The following NKAIN4 variants were observed in gnomAD, a reference collection of about 807,000 sequenced individuals.
NKAIN4 encodes the protein sodium/potassium-transporting ATPase subunit beta-1-interacting protein 4.
Under a neutral mutation model 28.8 loss-of-function variants are expected in NKAIN4, and 28 were observed. The ratio of observed to expected loss-of-function variants is 0.97; its 90% CI spans 0.72 to 1.33. The LOEUF is 1.33. Among genes scored for constraint, NKAIN4 ranks in the 40% most tolerant of loss-of-function variants. NKAIN4 has a pLI of 0.00. For missense variants in NKAIN4, 289 were observed against 277.2 expected (o/e 1.04, Z -0.30); for synonymous variants, 122 against 115.6 (o/e 1.06, Z -0.36).
intron 3 of NKAIN4, among the ~76,000 whole-genome samples, 174 bp from the exon 4 acceptor site, chr20:63,247,949 A>C (rs1312796253): frequency 1.3e-5 from 2 of 152,124 alleles, no homozygotes; most frequent in Non-Finnish European, 2.9e-5. Flanking sequence ...GGGGAAAGGA[A>C]TACCAAGGCC....
intron 5 of NKAIN4, among the ~76,000 whole-genome samples, chr20:63,243,247 T>C (rs535034042): frequency 2.6e-5 from 4 of 152,296 alleles, no homozygotes; most frequent in Non-Finnish European, 5.9e-5. Context: ...TGAGGGATGC[T>C]GGGCGCTGGG....
rs536420967 is a variant in NKAIN4, at chr20:63,245,326, G to A, written c.472-1242C>T. 7.2e-4 allele frequency among the ~76,000 whole-genome samples: 109 copies of A among 152,184 alleles called. No individual in the cohort carries two copies. Among genetic ancestry groups the A allele is most frequent in the African/African-American group, 2.4e-3 (101 of 41,518 alleles). Reference sequence around the variant, plus strand: ...TGAGGGTGGGCAACCTCCACGGCTCGTCCCCCTCCTCACCCCAAAGGAGCC... The same window carrying A: ...TGAGGGTGGGCAACCTCCACGGCTCATCCCCCTCCTCACCCCAAAGGAGCC... On this transcript the variant is annotated intron_variant, in intron 4 of 6. Transcript: ENST00000370316. The surrounding 1 kb of genome is among the most constrained non-coding windows in gnomAD (Gnocchi z 4.7).
chr20:63,253,370 C>T lies in NKAIN4; in HGVS notation c.54+1027G>A, dbSNP rs1355460186. On this transcript the variant is annotated intron_variant, in intron 1 of 6. Coordinates refer to ENST00000370316, the MANE Select transcript of NKAIN4 (RefSeq NM_152864.4). Reference sequence around the variant, plus strand: ...AGGAAGGACACGATGCCTCCGCCGTCCCTAGGTCCGCCCGCAAGCCTGTGC... The same window carrying T: ...AGGAAGGACACGATGCCTCCGCCGTTCCTAGGTCCGCCCGCAAGCCTGTGC... 7.1e-6 allele frequency: 7 copies of T among 985,296 alleles called. No homozygotes were observed. The East Asian group carries it at 7.9e-4, about 112-fold the overall frequency. The allele number at this position is 985,296 out of a possible 1,614,324, so 61.0% of individuals were successfully genotyped here.
At position 63,241,168 on chromosome 20, in the gene NKAIN4, G is replaced by C. The variant is rs894915683; in HGVS notation, c.*329C>G. 8 of 329,660 alleles carry C rather than the reference G, an allele frequency of 2.4e-5. No individual in the cohort carries two copies. Among genetic ancestry groups the C allele is most frequent in the South Asian group, 6.6e-5 (2 of 30,080 alleles). 20.4% of individuals were successfully genotyped at this position (329,660 alleles called of 1,614,324 possible). ...TGGGCACCTGAGGGAGGGGCTCCTC[G>C]ACGAGACGACAGCCTGGGGGCAGAG... On this transcript the variant is annotated 3_prime_UTR_variant, in exon 7 of 7. Coordinates refer to ENST00000370316, the MANE Select transcript of NKAIN4 (RefSeq NM_152864.4).
upstream of NKAIN4, chr20:63,254,583 C>G: frequency 1.6e-6 from 1 of 624,290 alleles, no homozygotes. Flanking sequence ...CCGCAACCCC[C>G]GGCCCAGCCC....
At chr20:63,248,520 G>C (rs3818203) in intron 3 of NKAIN4, 136,268 of 349,126 alleles carry the variant, frequency 0.39, 27,603 homozygotes, top group East Asian at 0.53. Context: ...TTCACCTGCA[G>C]ATCTCTGCCA....
At position 63,245,969 on chromosome 20, in the gene NKAIN4, C is replaced by G. The variant is rs548992118; in HGVS notation, c.471+1609G>C. 4.3e-4 allele frequency among the ~76,000 whole-genome samples: 66 copies of G among 151,800 alleles called. No homozygotes were observed. The South Asian group carries it at 0.013, about 30-fold the overall frequency. ...TTGAGACAGAGTCTCGCTCTGTCAC[C>G]CAGGCTGGAGTGCAGTGGCGTGATC... On this transcript the variant is annotated intron_variant, in intron 4 of 6. Transcript: ENST00000370316. The surrounding 1 kb of genome is among the most constrained non-coding windows in gnomAD (Gnocchi z 4.7).
chr20:63,253,351 G>C, intron 1 of NKAIN4: 1 of 985,388 alleles, frequency 1.0e-6, no homozygotes, highest in Non-Finnish European at 1.2e-6. Context: ...CTGCAGGAAG[G>C]ACACGATGCC....
At chr20:63,242,678 A>G in intron 5 of NKAIN4, 55 bp from the exon 6 acceptor site, 3 of 1,429,470 alleles carry the variant, frequency 2.1e-6, no homozygotes, top group Non-Finnish European at 3.0e-6. Context: ...AAAAGATGTC[A>G]GAGTGGAAAA....
In NKAIN4 at chr20:63,248,414, T is replaced by C. The variant is rs567359814; in HGVS notation, c.273+401A>G. On this transcript the variant is annotated intron_variant, in intron 3 of 6. Coordinates refer to ENST00000370316, the MANE Select transcript of NKAIN4 (RefSeq NM_152864.4). ...CCCCCTCCCCCCACGTTTCCCCTGG[T>C]TCCCTGCATTGCAGGAGGCACGAGG... 7 of 189,290 alleles carry C rather than the reference T, an allele frequency of 3.7e-5. No homozygotes were observed. In the South Asian group the frequency reaches 6.6e-4, roughly 18 times the overall value. 11.7% of individuals were successfully genotyped at this position (189,290 alleles called of 1,614,324 possible).
chr20:63,248,925 T>C (rs1487386508), intron 2 of NKAIN4, 30 bp from the exon 3 acceptor site: 3 of 1,476,828 alleles, frequency 2.0e-6, no homozygotes, highest in East Asian at 2.3e-5. Flanking sequence ...GGGCGGCAGC[T>C]GAACACAGCT....
chr20:63,246,653 T>C (rs2066863267), intron 4 of NKAIN4: 2 of 985,306 alleles, frequency 2.0e-6, no homozygotes, highest in Non-Finnish European at 2.4e-6. Context: ...GACACCACCG[T>C]GCGCACCAGG....
rs1568713823 is a variant in NKAIN4 at position 63,252,396 on chromosome 20, G to A, written c.54+2001C>T. Among the ~76,000 whole-genome samples, 1 of 152,162 alleles carries A rather than the reference G, an allele frequency of 6.6e-6. No individual in the cohort carries two copies. Among genetic ancestry groups the A allele is most frequent in the Non-Finnish European group, 1.5e-5 (1 of 68,018 alleles). ...GTTCACACTGTTCTTTGGGGAGAAA[G>A]GCGCTCAGAAGAGATGCCTGGGCCC... On this transcript the variant is annotated intron_variant, in intron 1 of 6. Coordinates refer to ENST00000370316, the MANE Select transcript of NKAIN4 (RefSeq NM_152864.4). This position sits in a 1 kb window ranked among gnomAD's most constrained non-coding sequence, Gnocchi z 4.6.
In NKAIN4 at chr20:63,245,802, G is replaced by A. The variant is rs2066844860; in HGVS notation, c.472-1718C>T. On this transcript the variant is annotated intron_variant, in intron 4 of 6. Coordinates refer to ENST00000370316, the MANE Select transcript of NKAIN4 (RefSeq NM_152864.4). This position sits in a 1 kb window ranked among gnomAD's most constrained non-coding sequence, Gnocchi z 4.7. Reference sequence around the variant, plus strand: ...TCCTATCAAAGAAATTCCCATCCCTGGGAGTCAGGATAAAAGCCAACAGGA... The same window carrying A: ...TCCTATCAAAGAAATTCCCATCCCTAGGAGTCAGGATAAAAGCCAACAGGA... 1.3e-5 allele frequency among the ~76,000 whole-genome samples: 2 copies of A among 152,088 alleles called. No homozygotes were observed. Among genetic ancestry groups the A allele is most frequent in the African/African-American group, 2.4e-5 (1 of 41,410 alleles).
intron 5 of NKAIN4, 170 bp downstream of exon 5, chr20:63,243,854 G>C: frequency 1.7e-6 from 1 of 603,120 alleles, no homozygotes; most frequent in Non-Finnish European, 3.0e-6. Context: ...TCTCTTCCCT[G>C]GTGTGTGGCG....
Position 63,241,264 on chromosome 20 carries a change from C to CTTTT in NKAIN4, c.*229_*232dup. 2.2e-6 allele frequency: 1 copy of CTTTT among 461,248 alleles called. No homozygotes were observed. The highest frequency in any genetic ancestry group is 3.9e-6 in the Non-Finnish European group (1 of 258,480). 28.6% of individuals were successfully genotyped at this position (461,248 alleles called of 1,614,324 possible). A position where few individuals can be genotyped will look rare whatever the true frequency, so the allele number is the denominator to read the frequency against. ...CCTTTTCTTTTGTATGTTTTCTTTT[C>CTTTT]TTTTTTTTTTTTAAGAGAAAGGAAA... On this transcript the variant is annotated 3_prime_UTR_variant, in exon 7 of 7. Transcript: ENST00000370316.
intron 6 of NKAIN4, chr20:63,241,723 T>C (rs769191855): frequency 2.9e-6 from 2 of 694,444 alleles, no homozygotes; most frequent in African/African-American, 3.5e-5. Context: ...GCCTGTTTGC[T>C]GACATCTCAG....
At position 63,248,772 on chromosome 20, in the gene NKAIN4, A is replaced by G. The variant is rs760151334; in HGVS notation, c.273+43T>C. Reference sequence around the variant, plus strand: ...GGGTGTTACCAGGGGCCCGGCCCAGACCCCAGGGAAGGACCTCGCGCTGCC... The same window carrying G: ...GGGTGTTACCAGGGGCCCGGCCCAGGCCCCAGGGAAGGACCTCGCGCTGCC... On this transcript the variant is annotated intron_variant, in intron 3 of 6. Transcript: ENST00000370316. The G allele has an allele frequency of 6.0e-6, 8 of 1,337,866 alleles. No individual in the cohort carries two copies. In the Admixed American group the frequency reaches 1.4e-4, roughly 23 times the overall value. 82.9% of individuals were successfully genotyped at this position (1,337,866 alleles called of 1,614,324 possible).
Position 63,241,269 on chromosome 20 carries a change from T to C in NKAIN4, c.*228A>G, listed in dbSNP as rs1488564692. On this transcript the variant is annotated 3_prime_UTR_variant, in exon 7 of 7. Coordinates refer to ENST00000370316, the MANE Select transcript of NKAIN4 (RefSeq NM_152864.4). ...TCTTTTGTATGTTTTCTTTTCTTTT[T>C]TTTTTTTAAGAGAAAGGAAATTACA... 4 of 543,312 alleles carry C rather than the reference T, an allele frequency of 7.4e-6. No individual in the cohort carries two copies. Among genetic ancestry groups the C allele is most frequent in the Non-Finnish European group, 1.3e-5 (4 of 306,662 alleles). 33.7% of individuals were successfully genotyped at this position (543,312 alleles called of 1,614,324 possible). A position where few individuals can be genotyped will look rare whatever the true frequency, so the allele number is the denominator to read the frequency against.
Sources: gnomAD v4.1 joint callset for allele counts (sites outside exome capture counted in the v4.1 genomes callset) on GRCh38, gnomAD v4.1.1 for gene constraint, Gnocchi (gnomAD v3.1) non-coding constraint, MANE v1.5 for transcripts, NCBI Gene and HGNC (gene_info 2026-07-23, HGNC 2026-07-21) for gene names.